CPED1: variants seen among roughly 807,000 people sequenced by gnomAD.
CPED1 encodes cadherin like and PC-esterase domain containing 1.
In CPED1, 114 loss-of-function variants were observed where a neutral mutation model predicts 128.2. The observed-to-expected ratio is 0.89, with a 90% CI of 0.76 to 1.04. The LOEUF is 1.04. CPED1 is among the 50% of genes least tolerant of loss of function. The probability of loss-of-function intolerance (pLI) is 0.00; values close to 1 mark genes in which losing one functional copy is unlikely to be tolerated. For missense variants in CPED1, 1,211 were observed against 1,207.1 expected, an observed-to-expected ratio of 1.00 and a Z score of -0.05; for synonymous variants, 462 against 426.7, an observed-to-expected ratio of 1.08 and a Z score of -1.02.
chr7:121,150,208 C>T (rs1796124669), intron 16 of CPED1, among the ~76,000 whole-genome samples: 1 of 150,748 alleles, frequency 6.6e-6, no homozygotes, highest in African/African-American at 2.4e-5. Flanking sequence ...GCCTCCCTCC[C>T]TTTCTCCCCC....
At chr7:121,169,789 A>T (rs1397207637) in intron 16 of CPED1, among the ~76,000 whole-genome samples, 1 of 152,174 alleles carries the variant, frequency 6.6e-6, no homozygotes, top group Non-Finnish European at 1.5e-5. Context: ...CTGAAATGTG[A>T]TTTCCTCCAG....
At chr7:121,172,164 G>T (rs1369834856) in intron 16 of CPED1, among the ~76,000 whole-genome samples, 1 of 152,146 alleles carries the variant, frequency 6.6e-6, no homozygotes, top group African/African-American at 2.4e-5. Context: ...CACTGTTGAG[G>T]GTCATTAGGT....
chr7:121,139,551 G>A (rs951027112), intron 14 of CPED1, among the ~76,000 whole-genome samples: 2 of 151,838 alleles, frequency 1.3e-5, no homozygotes, highest in African/African-American at 2.4e-5. Flanking sequence ...TAAAAATTTT[G>A]GTCTTGTTGA....
At chr7:120,995,461 C>A (rs1796381807) in intron 2 of CPED1, among the ~76,000 whole-genome samples, 1 of 152,172 alleles carries the variant, frequency 6.6e-6, no homozygotes, top group East Asian at 1.9e-4. Context: ...GTCCTTGGAT[C>A]TTTGCCTTGT....
At chr7:121,128,994 G>T (rs1293041673) in intron 11 of CPED1, among the ~76,000 whole-genome samples, 1 of 151,404 alleles carries the variant, frequency 6.6e-6, no homozygotes, top group Non-Finnish European at 1.5e-5. Context: ...ACTTTTACTG[G>T]CTTATATCTT....
intron 18 of CPED1, among the ~76,000 whole-genome samples, chr7:121,264,326 GTTC>G (rs772889477): frequency 2.0e-5 from 3 of 152,026 alleles, no homozygotes; most frequent in Non-Finnish European, 2.9e-5. Context: ...ATTATACAGT[GTTC>G]TTCTTTAAAA....
intron 18 of CPED1, among the ~76,000 whole-genome samples, chr7:121,257,905 T>A (rs1413910416): frequency 6.6e-6 from 1 of 152,056 alleles, no homozygotes; most frequent in African/African-American, 2.4e-5. Flanking sequence ...TATACTGACC[T>A]TTTTTACCTC....
intron 4 of CPED1, among the ~76,000 whole-genome samples, chr7:121,048,608 C>G (rs961380105): frequency 6.6e-6 from 1 of 152,138 alleles, no homozygotes; most frequent in Non-Finnish European, 1.5e-5. Flanking sequence ...GGCGTGATCT[C>G]ACCTCACTGC....
intron 5 of CPED1, among the ~76,000 whole-genome samples, chr7:121,066,795 C>T (rs980661892): frequency 6.6e-6 from 1 of 152,232 alleles, no homozygotes; most frequent in Non-Finnish European, 1.5e-5. Flanking sequence ...GGTTCCACAT[C>T]CCTGGATTCA....
rs115433772 is a variant in CPED1 at position 121,183,311 on chromosome 7, A to G, written c.2055+41170A>G. Among the ~76,000 whole-genome samples, 454 of 152,298 alleles carry G rather than the reference A, an allele frequency of 3.0e-3. 4 individuals carry two copies. Among genetic ancestry groups the G allele is most frequent in the African/African-American group, 0.011 (440 of 41,580 alleles). On this transcript the variant is annotated intron_variant, in intron 16 of 22. Coordinates refer to ENST00000310396, the MANE Select transcript of CPED1 (RefSeq NM_024913.5). ...AAATTTTAAGTAATATTTGCTTCAA[A>G]GTTTTCAAAACATTTGAAATCTAGA...
intron 16 of CPED1, among the ~76,000 whole-genome samples, chr7:121,175,410 T>C (rs1357499592): frequency 1.3e-5 from 2 of 152,082 alleles, no homozygotes; most frequent in Middle Eastern, 3.2e-3. Flanking sequence ...TCAACTTCCC[T>C]TCATGTTATA....
chr7:121,254,038 T>TA (rs1437367081), intron 18 of CPED1, among the ~76,000 whole-genome samples: 1 of 151,984 alleles, frequency 6.6e-6, no homozygotes, highest in African/African-American at 2.4e-5. Flanking sequence ...ACTCTGGACT[T>TA]AAAATCACTT....
At chr7:121,108,172 C>CA (rs1795024005) in intron 7 of CPED1, among the ~76,000 whole-genome samples, 3 of 151,926 alleles carry the variant, frequency 2.0e-5, no homozygotes, top group Admixed American at 2.0e-4. Flanking sequence ...GGAAAAAAGG[C>CA]AAAAATGCTT....
At chr7:121,103,867 C>T (rs1424810794) in intron 7 of CPED1, among the ~76,000 whole-genome samples, 1 of 152,016 alleles carries the variant, frequency 6.6e-6, no homozygotes, top group African/African-American at 2.4e-5. Context: ...ACTATGAGCT[C>T]ATTTATTTCC....
At chr7:121,059,935 G>A (rs542470230) in intron 4 of CPED1, among the ~76,000 whole-genome samples, 1 of 152,342 alleles carries the variant, frequency 6.6e-6, no homozygotes, top group Admixed American at 6.5e-5. Flanking sequence ...GGCCAAGACC[G>A]GAGCCGTCTC....
chr7:121,212,969 G>A (rs371266089), intron 16 of CPED1, among the ~76,000 whole-genome samples: 4 of 151,656 alleles, frequency 2.6e-5, no homozygotes, highest in Middle Eastern at 3.4e-3. Flanking sequence ...GCTTTTTTCC[G>A]GGGGGGTGCA....
intron 5 of CPED1, among the ~76,000 whole-genome samples, chr7:121,090,030 G>T (rs955897996): frequency 6.6e-6 from 1 of 152,142 alleles, no homozygotes; most frequent in African/African-American, 2.4e-5. Flanking sequence ...TTTTATAACC[G>T]ACAAGAATGA....
At chr7:121,262,625 GAGAA>G (rs1344011206) in intron 18 of CPED1, among the ~76,000 whole-genome samples, 1 of 152,178 alleles carries the variant, frequency 6.6e-6, no homozygotes. Flanking sequence ...TCACAGGGGA[GAGAA>G]AGAATTATTT....
At chr7:121,166,368 TAATG>T (rs1796525199) in intron 16 of CPED1, among the ~76,000 whole-genome samples, 1 of 152,188 alleles carries the variant, frequency 6.6e-6, no homozygotes, top group Non-Finnish European at 1.5e-5. Flanking sequence ...AATAAAATGA[TAATG>T]GATGCAAAAG....
Sources: gnomAD v4.1 joint callset for allele counts (sites outside exome capture counted in the v4.1 genomes callset) on GRCh38, gnomAD v4.1.1 for gene constraint, MANE v1.5 for transcripts, NCBI Gene and HGNC (gene_info 2026-07-23, HGNC 2026-07-21) for gene names.